Variants in BAIAP2L2 observed in about 807,000 individuals in gnomAD.
The protein encoded by BAIAP2L2 is BAR/IMD domain-containing adapter protein 2-like 2.
In BAIAP2L2, 65 loss-of-function variants were observed where a neutral mutation model predicts 60.4. The observed-to-expected ratio is 1.08, with a 90% CI of 0.88 to 1.32. The LOEUF is 1.32. Among genes scored for constraint, BAIAP2L2 ranks in the 40% most tolerant of loss-of-function variants. The pLI is 0.00. For missense variants in BAIAP2L2, 836 were observed against 741.2 expected, an observed-to-expected ratio of 1.13 and a Z score of -1.48; for synonymous variants, 344 against 301.7, an observed-to-expected ratio of 1.14 and a Z score of -1.45.
intron 7 of BAIAP2L2, chr22:38,091,466 T>C (rs2086296209): frequency 6.6e-6 from 1 of 152,198 alleles, no homozygotes; most frequent in Admixed American, 6.5e-5. Flanking sequence ...TGATTACACA[T>C]TGCATGCCTG....
Position 38,104,801 on chromosome 22 carries a change from T to A in BAIAP2L2, c.276+3051A>T, listed in dbSNP as rs550099671. ...GTGAGCCACCACACCCAGCCAAAAA[T>A]TTTTTTTTTTTTAAGAGTGAAACCA... On this transcript the variant is annotated intron_variant, in intron 4 of 13. Coordinates refer to ENST00000381669, the MANE Select transcript of BAIAP2L2 (RefSeq NM_025045.6). Among the ~76,000 whole-genome samples, 526 of 147,252 alleles carry A rather than the reference T, an allele frequency of 3.6e-3. 2 individuals carry two copies. The highest frequency in any genetic ancestry group is 5.0e-3 in the Non-Finnish European group (332 of 66,390).
In BAIAP2L2 at chr22:38,090,731, T is replaced by G. The variant is rs132928; in HGVS notation, c.613-1057A>C. 1.1e-3 allele frequency: 170 copies of G among 152,176 alleles called. 2 individuals are homozygous for G. Among genetic ancestry groups the G allele is most frequent in the African/African-American group, 4.0e-3 (167 of 41,514 alleles). 9.4% of individuals were successfully genotyped at this position (152,176 alleles called of 1,614,324 possible). Reference sequence around the variant, plus strand: ...CTGAGGGTCAGAGAAGTTAAGTGACTGGCTCAAGGTGTCACATTCAGTAAG... The same window carrying G: ...CTGAGGGTCAGAGAAGTTAAGTGACGGGCTCAAGGTGTCACATTCAGTAAG... On this transcript the variant is annotated intron_variant, in intron 7 of 13. Coordinates refer to ENST00000381669, the MANE Select transcript of BAIAP2L2 (RefSeq NM_025045.6).
rs368625419 is a variant in BAIAP2L2 at position 38,085,722 on chromosome 22, G to T, written c.1478C>A (p.Ser493Tyr). ...CTCCTGTGGTGGGTACTGCTCTGAG[G>T]ACATCAGTTTCTGCAGTGGGGGTGG... Reference protein sequence around the residue: ...AVATDVKKLMSSEQYPPQELF... With the variant: ...AVATDVKKLMYSEQYPPQELF... The change falls in exon 13 of 14, where the codon TCC (serine) becomes TAC (tyrosine). Residue 493 changes from serine (S) to tyrosine (Y), a missense_variant. Ser to Tyr is a moderately radical substitution (Grantham distance 144, BLOSUM62 -2). Transcript: ENST00000381669. 2 of 1,602,730 alleles carry T rather than the reference G, an allele frequency of 1.2e-6. No homozygotes were observed. Among genetic ancestry groups the T allele is most frequent in the Non-Finnish European group, 1.7e-6 (2 of 1,176,314 alleles).
chr22:38,085,011 GA>G lies in BAIAP2L2; in HGVS notation c.*288del. 1 of 389,548 alleles carries G rather than the reference GA, an allele frequency of 2.6e-6. No homozygotes were observed. Among genetic ancestry groups the G allele is most frequent in the East Asian group, 5.1e-5 (1 of 19,786 alleles). 24.1% of individuals were successfully genotyped at this position (389,548 alleles called of 1,614,324 possible). A position where few individuals can be genotyped will look rare whatever the true frequency, so the allele number is the denominator to read the frequency against. ...CCTCCCCACGGGGGCAGAAAAGGGGGAAAGAGGTTAGGGGGCAAGAGGTGGG... is the reference window on the plus strand; with the variant it reads ...CCTCCCCACGGGGGCAGAAAAGGGGGAAGAGGTTAGGGGGCAAGAGGTGGG... On this transcript the variant is annotated 3_prime_UTR_variant, in exon 14 of 14. Transcript: ENST00000381669.
chr22:38,085,488 T>A, intron 13 of BAIAP2L2, 113 bp from the exon 14 acceptor site: 2 of 1,329,764 alleles, frequency 1.5e-6, no homozygotes, highest in Non-Finnish European at 2.1e-6. Context: ...CCCTATTTGG[T>A]CTCCATCCAC....
chr22:38,109,190 T>C lies in BAIAP2L2; in HGVS notation c.70A>G (p.Asn24Asp). Residue 24 changes from asparagine to aspartate, a missense_variant, in exon 2 of 14, where the codon AAC (asparagine) becomes GAC (aspartate). Physicochemically the swap from Asn to Asp is conservative, Grantham distance 23. Transcript: ENST00000381669. ...TACACCAGGTTCTCCAGGGCGGGGT[T>C]AAACTGCTCCATGATGCTCTGGACC... ...AIYKSIMEQF[N>D]PALENLVYLG... The C allele has an allele frequency of 1.9e-6, 3 of 1,611,966 alleles. No homozygotes were observed. The highest frequency in any genetic ancestry group is 2.5e-6 in the Non-Finnish European group (3 of 1,178,650).
In BAIAP2L2 at chr22:38,094,821, G is replaced by GGGTGTGGGA. The variant is rs1555966104; in HGVS notation, c.612+2210_612+2211insTCCCACACC. 6.7e-3 allele frequency among the ~76,000 whole-genome samples: 1,014 copies of GGGTGTGGGA among 150,382 alleles called. 12 individuals carry two copies. Among genetic ancestry groups the GGGTGTGGGA allele is most frequent in the Admixed American group, 0.014 (218 of 15,048 alleles). The stretch of plus-strand genomic sequence containing the variant: ...GGGTTCAGATCCAGAGACTCGGGGA[G>GGGTGTGGGA]GGCGTGGGAGGCGTGGGAGGCGTGG... On this transcript the variant is annotated intron_variant, in intron 7 of 13. Transcript: ENST00000381669.
At chr22:38,106,018 A>G (rs1260035835) in intron 4 of BAIAP2L2, among the ~76,000 whole-genome samples, 2 of 152,164 alleles carry the variant, frequency 1.3e-5, no homozygotes, top group African/African-American at 4.8e-5. Flanking sequence ...GGTGACACTC[A>G]TCCCTGCCCA....
At chr22:38,093,767 A>G in intron 7 of BAIAP2L2, 2 of 389,946 alleles carry the variant, frequency 5.1e-6, no homozygotes, top group Non-Finnish European at 1.0e-5. Context: ...GGACACGGAA[A>G]CACTCCGGAA....
Position 38,107,893 on chromosome 22 carries a change from A to G in BAIAP2L2, c.235T>C (p.Ser79Pro), listed in dbSNP as rs1410970203. 5 of 1,613,350 alleles carry G rather than the reference A, an allele frequency of 3.1e-6. No individual in the cohort carries two copies. The highest frequency in any genetic ancestry group is 3.4e-6 in the Non-Finnish European group (4 of 1,179,942). ...GAGTTCAAGTGCCGCTGGGTGTCAG[A>G]CATCTGCACCAAGATCTCCCCTGGA... ...QILGEILVQMSDTQRHLNSDL... is the reference protein window; with the variant it reads ...QILGEILVQMPDTQRHLNSDL... The change falls in exon 4 of 14, where the codon TCT becomes CCT. Residue 79 changes from serine to proline, a missense_variant. Transcript: ENST00000381669.
chr22:38,091,338 G>T (rs1001794294), intron 7 of BAIAP2L2: 1 of 152,230 alleles, frequency 6.6e-6, no homozygotes, highest in African/African-American at 2.4e-5. Flanking sequence ...TTACAGGTGT[G>T]AGCCACTGCA....
At chr22:38,104,254 G>A (rs1200453426) in intron 4 of BAIAP2L2, among the ~76,000 whole-genome samples, 1 of 152,176 alleles carries the variant, frequency 6.6e-6, no homozygotes, top group East Asian at 1.9e-4. Context: ...CGGATGCATG[G>A]CAGATCTAGA....
intron 4 of BAIAP2L2, among the ~76,000 whole-genome samples, chr22:38,106,289 C>T (rs932944847): frequency 3.9e-5 from 6 of 151,986 alleles, no homozygotes; most frequent in South Asian, 2.1e-4. Flanking sequence ...GAGGCCGAGG[C>T]GGGCAGATCA....
chr22:38,110,581 C>G lies in BAIAP2L2; in HGVS notation c.-56G>C, dbSNP rs183180771. 7,081 of 1,494,220 alleles carry G rather than the reference C, an allele frequency of 4.7e-3. 22 individuals carry two copies. Among genetic ancestry groups the G allele is most frequent in the Non-Finnish European group, 5.5e-3 (5,975 of 1,090,534 alleles). The allele number at this position is 1,494,220 out of a possible 1,614,324, so 92.6% of individuals were successfully genotyped here. On this transcript the variant is annotated 5_prime_UTR_variant, in exon 1 of 14. Coordinates refer to ENST00000381669, the MANE Select transcript of BAIAP2L2 (RefSeq NM_025045.6). Reference sequence around the variant, plus strand: ...CTGGGAGCTGGTGGCGATGGCACAGCCGGGAGCAGTGGTAGGTAGTCCCTC... The same window carrying G: ...CTGGGAGCTGGTGGCGATGGCACAGGCGGGAGCAGTGGTAGGTAGTCCCTC...
At chr22:38,108,191 TGGAAGG>T (rs2086706783) in intron 3 of BAIAP2L2, 58 bp downstream of exon 3, 1 of 1,479,166 alleles carries the variant, frequency 6.8e-7, no homozygotes, top group South Asian at 1.2e-5. Context: ...CGGGACATCC[TGGAAGG>T]GCAAGGGTGC....
chr22:38,091,363 G>GTATT (rs1569221057), intron 7 of BAIAP2L2: 1 of 152,162 alleles, frequency 6.6e-6, no homozygotes, highest in Non-Finnish European at 1.5e-5. Flanking sequence ...GTCACATGTC[G>GTATT]TATTTTAAAA....
At chr22:38,108,197 G>GTTT (rs2086707017) in intron 3 of BAIAP2L2, 58 bp downstream of exon 3, 1 of 1,500,408 alleles carries the variant, frequency 6.7e-7, no homozygotes, top group South Asian at 1.2e-5. Flanking sequence ...ATCCTGGAAG[G>GTTT]GCAAGGGTGC....
intron 4 of BAIAP2L2, among the ~76,000 whole-genome samples, chr22:38,100,133 A>G (rs963693771): frequency 1.3e-5 from 2 of 152,110 alleles, no homozygotes. Context: ...GGTGAACAGA[A>G]ACGTGCGTTG....
chr22:38,105,046 A>G (rs1472723492), intron 4 of BAIAP2L2, among the ~76,000 whole-genome samples: 1 of 152,038 alleles, frequency 6.6e-6, no homozygotes, highest in African/African-American at 2.4e-5. Flanking sequence ...GTTCAGCAAG[A>G]TTTTCTGTGC....
Sources: gnomAD v4.1 joint callset for allele counts (sites outside exome capture counted in the v4.1 genomes callset) on GRCh38, gnomAD v4.1.1 for gene constraint, MANE v1.5 for transcripts, NCBI Gene and HGNC (gene_info 2026-07-23, HGNC 2026-07-21) for gene names.